Variants in GRIK3 observed in about 807,000 individuals in gnomAD.
GRIK3 encodes the protein glutamate ionotropic receptor kainate type subunit 3, also known as glutamate receptor ionotropic, kainate 3.
Under a neutral mutation model 102.5 loss-of-function variants are expected in GRIK3, and 29 were observed. The ratio of observed to expected loss-of-function variants is 0.28; its 90% CI spans 0.21 to 0.39. The LOEUF (loss-of-function observed/expected upper bound fraction) is 0.39, where lower values mean the gene tolerates loss of function less well. Ranked by LOEUF, GRIK3 falls within the 10% of genes least tolerant of loss-of-function variation. The pLI is 1.00. For missense variants in GRIK3, 908 were observed against 1,252.4 expected, an observed-to-expected ratio of 0.73 and a Z score of 4.15; for synonymous variants, 511 against 504.9, an observed-to-expected ratio of 1.01 and a Z score of -0.16.
At chr1:36,900,188 A>C (rs1267889365) in intron 1 of GRIK3, among the ~76,000 whole-genome samples, 9 of 152,238 alleles carry the variant, frequency 5.9e-5, no homozygotes, top group Non-Finnish European at 2.9e-5. Context: ...ACTAGAAATC[A>C]TATAATGTCT....
At chr1:36,898,077 A>G (rs993955954) in intron 1 of GRIK3, among the ~76,000 whole-genome samples, 2 of 151,710 alleles carry the variant, frequency 1.3e-5, no homozygotes, top group East Asian at 1.9e-4. Flanking sequence ...AACCAAAACA[A>G]TTGAAATCAT....
At chr1:36,903,044 C>T (rs1004803710) in intron 1 of GRIK3, among the ~76,000 whole-genome samples, 8 of 152,166 alleles carry the variant, frequency 5.3e-5, no homozygotes, top group Admixed American at 5.2e-4. Context: ...TCTGCCTCGG[C>T]CTCCCAAAGT....
intron 11 of GRIK3, 129 bp downstream of exon 11, chr1:36,825,474 G>C (rs1185195765): frequency 9.0e-6 from 5 of 555,848 alleles, no homozygotes; most frequent in Non-Finnish European, 1.6e-5. Context: ...CATAGGGAGT[G>C]GAAGAGGAGT....
chr1:36,898,779 C>A (rs919152034), intron 1 of GRIK3, among the ~76,000 whole-genome samples: 11 of 152,130 alleles, frequency 7.2e-5, no homozygotes, highest in South Asian at 2.1e-4. Flanking sequence ...AGTTGAAAGA[C>A]ATTTCCTGAT....
chr1:36,977,254 C>T (rs1293488610), intron 1 of GRIK3, among the ~76,000 whole-genome samples: 1 of 152,206 alleles, frequency 6.6e-6, no homozygotes, highest in Non-Finnish European at 1.5e-5. Context: ...GAAATCATGC[C>T]TGCCTCTCCC....
rs183229333 is a variant in GRIK3, at chr1:36,946,739, C to T, written c.116-55643G>A. On this transcript the variant is annotated intron_variant, in intron 1 of 15. Transcript: ENST00000373091. Reference sequence around the variant, plus strand: ...AGATGAGGGATCGGAGGCAGAGGTGCATCCAATAACTCACCCATCATGGTG... The same window carrying T: ...AGATGAGGGATCGGAGGCAGAGGTGTATCCAATAACTCACCCATCATGGTG... Among the ~76,000 whole-genome samples the T allele has an allele frequency of 5.9e-3, 897 of 152,302 alleles. 6 individuals carry two copies. Among genetic ancestry groups the T allele is most frequent in the Admixed American group, 0.016 (250 of 15,306 alleles).
chr1:36,865,040 G>A (rs1640767475), intron 5 of GRIK3, among the ~76,000 whole-genome samples: 1 of 152,120 alleles, frequency 6.6e-6, no homozygotes, highest in Admixed American at 6.5e-5. Flanking sequence ...GCACCCCATG[G>A]GTCTGAATGG....
At chr1:36,820,075 C>T (rs1032485709) in intron 11 of GRIK3, among the ~76,000 whole-genome samples, 1 of 152,196 alleles carries the variant, frequency 6.6e-6, no homozygotes, top group Non-Finnish European at 1.5e-5. Flanking sequence ...ATTAAAAGTG[C>T]ACATGCCCTT....
chr1:37,009,472 C>T (rs1642566273), intron 1 of GRIK3, among the ~76,000 whole-genome samples: 1 of 152,146 alleles, frequency 6.6e-6, no homozygotes, highest in Non-Finnish European at 1.5e-5. Flanking sequence ...CCAGGGAGCT[C>T]GCCGAAGCGA....
intron 1 of GRIK3, among the ~76,000 whole-genome samples, chr1:36,941,562 G>A (rs1228069221): frequency 5.9e-5 from 9 of 152,044 alleles, no homozygotes; most frequent in Admixed American, 1.3e-4. Flanking sequence ...TGGAGGGGGG[G>A]AGTGCTGTAT....
chr1:36,870,940 G>T (rs1252313640), intron 4 of GRIK3, among the ~76,000 whole-genome samples: 1 of 152,062 alleles, frequency 6.6e-6, no homozygotes, highest in African/African-American at 2.4e-5. Flanking sequence ...GGGTAGGGGG[G>T]AGAAGAGGCA....
At chr1:36,968,576 T>C (rs1322890785) in intron 1 of GRIK3, among the ~76,000 whole-genome samples, 1 of 152,148 alleles carries the variant, frequency 6.6e-6, no homozygotes, top group Admixed American at 6.5e-5. Context: ...TGCTGGTAGC[T>C]CCTCCACCTC....
intron 2 of GRIK3, 52 bp downstream of exon 2, chr1:36,890,868 G>T: frequency 1.4e-6 from 2 of 1,419,690 alleles, no homozygotes; most frequent in South Asian, 1.4e-5. Context: ...CAAATGCAGC[G>T]CTTCCCCTCC....
rs560726828 is a variant in GRIK3 at position 36,881,283 on chromosome 1, G to A, written c.293-392C>T. 1.2e-3 allele frequency among the ~76,000 whole-genome samples: 178 copies of A among 152,264 alleles called. 1 individual carries two copies. Among genetic ancestry groups the A allele is most frequent in the African/African-American group, 3.9e-3 (164 of 41,556 alleles). ...AAATAGAATCAAACTGGCTGATGGT[G>A]CTTCAACTTCAACCTCTAGCCCGGC... On this transcript the variant is annotated intron_variant, in intron 2 of 15. Transcript: ENST00000373091.
At chr1:36,852,250 C>T (rs994987006) in intron 8 of GRIK3, among the ~76,000 whole-genome samples, 1 of 152,134 alleles carries the variant, frequency 6.6e-6, no homozygotes, top group Non-Finnish European at 1.5e-5. Flanking sequence ...CACAGTGGCT[C>T]CCATGAGTAG....
At chr1:36,852,388 G>A (rs1279593087) in intron 8 of GRIK3, among the ~76,000 whole-genome samples, 3 of 152,198 alleles carry the variant, frequency 2.0e-5, no homozygotes, top group Non-Finnish European at 4.4e-5. Flanking sequence ...AATTGTGTGG[G>A]CAATGGCCTG....
intron 13 of GRIK3, among the ~76,000 whole-genome samples, chr1:36,813,752 G>A (rs1642590044): frequency 1.3e-5 from 2 of 148,868 alleles, no homozygotes; most frequent in Non-Finnish European, 3.0e-5. Flanking sequence ...TTCAGCGGGG[G>A]CGGGGCGGGG....
chr1:36,851,475 G>T (rs888794302), intron 8 of GRIK3, among the ~76,000 whole-genome samples: 1 of 152,240 alleles, frequency 6.6e-6, no homozygotes, highest in Non-Finnish European at 1.5e-5. Flanking sequence ...CTCTTAAGTG[G>T]GCTGAGCTCA....
At chr1:36,948,199 G>A (rs1027681426) in intron 1 of GRIK3, among the ~76,000 whole-genome samples, 5 of 152,210 alleles carry the variant, frequency 3.3e-5, no homozygotes, top group African/African-American at 1.2e-4. Context: ...AAGAGAGAAG[G>A]AAAACTTGAC....
Sources: gnomAD v4.1 joint callset for allele counts (sites outside exome capture counted in the v4.1 genomes callset) on GRCh38, gnomAD v4.1.1 for gene constraint, MANE v1.5 for transcripts, NCBI Gene and HGNC (gene_info 2026-07-23, HGNC 2026-07-21) for gene names.